Variants in RAB27A observed in about 807,000 individuals in gnomAD.
RAB27A encodes RAB27A, member RAS oncogene family.
Under a neutral mutation model 20.8 loss-of-function variants are expected in RAB27A, and 17 were observed. That is an observed-to-expected ratio of 0.82 (90% CI 0.56 to 1.23). RAB27A has a LOEUF of 1.23. Ranked by LOEUF, RAB27A falls within the 50% of genes most tolerant of loss-of-function variation. RAB27A has a pLI of 0.00. For synonymous variants in RAB27A, 85 were observed against 92.8 expected, an observed-to-expected ratio of 0.92 and a Z score of 0.48; for missense variants, 277 against 266.7, an observed-to-expected ratio of 1.04 and a Z score of -0.27.
In RAB27A at chr15:55,304,788, T is replaced by C. The variant is rs568617106; in HGVS notation, c.-112+9251A>G. Among the ~76,000 whole-genome samples the C allele has an allele frequency of 2.5e-4, 38 of 152,334 alleles. No homozygotes were observed. The South Asian group carries it at 6.6e-3, about 27-fold the overall frequency. ...TGGGTTTTTTCCACTTTTTGGCTAT[T>C]ATGAATAATGTGATGAACATTCATT... On this transcript the variant is annotated intron_variant, in intron 2 of 5. Transcript: ENST00000563262.
At chr15:55,288,817 G>C (rs1291049847) in intron 1 of RAB27A, 1 of 148,654 alleles carries the variant, frequency 6.7e-6, no homozygotes, top group African/African-American at 2.5e-5. Flanking sequence ...AGTTTTTAAG[G>C]CCGAAAAAAA....
At chr15:55,278,962 T>G (rs1003805865) in intron 1 of RAB27A, among the ~76,000 whole-genome samples, 65 of 152,296 alleles carry the variant, frequency 4.3e-4, no homozygotes, top group African/African-American at 1.3e-3. Flanking sequence ...CTGAAGCAAC[T>G]CCCTACTCCA....
At chr15:55,248,255 G>A (rs564129554) in intron 2 of RAB27A, among the ~76,000 whole-genome samples, 1 of 152,214 alleles carries the variant, frequency 6.6e-6, no homozygotes. Context: ...ACCCCATGCT[G>A]TGTTCCAACA....
rs1212679221 is a variant in RAB27A, at chr15:55,228,729, A to C, written c.240-17T>G. 1.9e-6 allele frequency: 3 copies of C among 1,569,786 alleles called. No homozygotes were observed. The highest frequency in any genetic ancestry group is 1.8e-6 in the Non-Finnish European group (2 of 1,139,830). On this transcript the variant is annotated splice_polypyrimidine_tract_variant and intron_variant, in intron 4 of 6. Coordinates refer to ENST00000336787, the MANE Select transcript of RAB27A (RefSeq NM_183235.3). ...CTACGAAACCTAGGAACATAAAAGC[A>C]GAATGGTCAGTTAAACCACGGCCCC...
chr15:55,250,878 T>TG (rs1896863577), intron 2 of RAB27A, among the ~76,000 whole-genome samples: 1 of 152,172 alleles, frequency 6.6e-6, no homozygotes, highest in Non-Finnish European at 1.5e-5. Context: ...AATAAAACTG[T>TG]TTCTTCAAAT....
intron 2 of RAB27A, among the ~76,000 whole-genome samples, chr15:55,301,892 C>T (rs1367460890): frequency 6.6e-6 from 1 of 152,032 alleles, no homozygotes; most frequent in Non-Finnish European, 1.5e-5. Context: ...GTGATCCACC[C>T]ACCTCTGCCT....
At chr15:55,249,768 T>C (rs1025999369) in intron 2 of RAB27A, among the ~76,000 whole-genome samples, 1 of 152,186 alleles carries the variant, frequency 6.6e-6, no homozygotes, top group Admixed American at 6.5e-5. Context: ...CTAGATCATA[T>C]TCATTTTTAG....
At position 55,209,908 on chromosome 15, in the gene RAB27A, G is replaced by GTA. The variant is rs1445446310; in HGVS notation, c.468-4204_468-4203insTA. 5.2e-4 allele frequency among the ~76,000 whole-genome samples: 57 copies of GTA among 109,806 alleles called. 11 individuals carry two copies. The highest frequency in any genetic ancestry group is 3.5e-3 in the African/African-American group (56 of 16,028). The allele number at this position is 109,806 out of a possible 152,430, so 72.0% of individuals were successfully genotyped here. ...TGTATACATATATACACATATGTGT[G>GTA]TGTATGTATATACACACATATATGT... On this transcript the variant is annotated intron_variant, in intron 6 of 6. Transcript: ENST00000336787.
At chr15:55,268,704 C>T (rs1897597443) in intron 2 of RAB27A, among the ~76,000 whole-genome samples, 1 of 152,182 alleles carries the variant, frequency 6.6e-6, no homozygotes, top group Admixed American at 6.5e-5. Context: ...AAAATCCAGC[C>T]CAGTCCAGGC....
chr15:55,225,000 T>G (rs987351690), intron 5 of RAB27A, among the ~76,000 whole-genome samples: 1 of 152,216 alleles, frequency 6.6e-6, no homozygotes, highest in Non-Finnish European at 1.5e-5. Context: ...TTTGCCCTCA[T>G]GGGGCAACTG....
In RAB27A at chr15:55,259,500, T is replaced by C. The variant is rs570760973; in HGVS notation, c.-23+10665A>G. On this transcript the variant is annotated intron_variant, in intron 2 of 6. Coordinates refer to ENST00000336787, the MANE Select transcript of RAB27A (RefSeq NM_183235.3). ...TGGGGTCTCACTATGTTGCCCAAGC[T>C]AGTCTTGAACTCCTAGTCTCAAGTG... Among the ~76,000 whole-genome samples, 36 of 151,566 alleles carry C rather than the reference T, an allele frequency of 2.4e-4. No individual in the cohort carries two copies. The South Asian group carries it at 7.3e-3, about 31-fold the overall frequency.
intron 1 of RAB27A, 113 bp from the exon 2 acceptor site, chr15:55,270,397 T>C (rs1897669541): frequency 6.6e-6 from 1 of 152,218 alleles, no homozygotes; most frequent in Non-Finnish European, 1.5e-5. Context: ...CAGGCATCGC[T>C]GTAAAAACCC....
intron 6 of RAB27A, among the ~76,000 whole-genome samples, chr15:55,215,468 C>T (rs1357715847): frequency 1.1e-4 from 17 of 150,000 alleles, no homozygotes; most frequent in South Asian, 2.1e-4. Context: ...CTGGCTAACA[C>T]GGTGAAACCC....
intron 1 of RAB27A, among the ~76,000 whole-genome samples, chr15:55,282,437 CT>C (rs1487671810): frequency 6.6e-6 from 1 of 152,090 alleles, no homozygotes; most frequent in Non-Finnish European, 1.5e-5. Flanking sequence ...ATGTGGTTTC[CT>C]TATCTGGGTG....
intron 2 of RAB27A, among the ~76,000 whole-genome samples, chr15:55,262,838 AGCCACCAC>A (rs1897325606): frequency 6.6e-6 from 1 of 152,044 alleles, no homozygotes; most frequent in Admixed American, 6.5e-5. Context: ...TATAGGTGTG[AGCCACCAC>A]GCCCAGCCCA....
In RAB27A at chr15:55,273,128, T is replaced by G. The variant is rs547147766; in HGVS notation, c.-142-2844A>C. 3.2e-4 allele frequency among the ~76,000 whole-genome samples: 49 copies of G among 152,256 alleles called. No individual in the cohort carries two copies. In the South Asian group the frequency reaches 6.0e-3, roughly 19 times the overall value. On this transcript the variant is annotated intron_variant, in intron 1 of 6. Transcript: ENST00000336787. ...TTCTCCAACTGAAAGACATAGAGGTTGGGCACGGTGGCTCAAGCCTGTAAT... is the reference window on the plus strand; with the variant it reads ...TTCTCCAACTGAAAGACATAGAGGTGGGGCACGGTGGCTCAAGCCTGTAAT...
At chr15:55,213,257 G>C (rs898703886) in intron 6 of RAB27A, among the ~76,000 whole-genome samples, 1 of 152,160 alleles carries the variant, frequency 6.6e-6, no homozygotes, top group Non-Finnish European at 1.5e-5. Context: ...CTTGAAGAAT[G>C]TTTTTGTTTT....
At chr15:55,277,943 T>C (rs1897918030) in intron 1 of RAB27A, among the ~76,000 whole-genome samples, 1 of 152,206 alleles carries the variant, frequency 6.6e-6, no homozygotes, top group African/African-American at 2.4e-5. Flanking sequence ...TCATCATCTG[T>C]AAAATGAAAG....
At chr15:55,222,932 T>G (rs1595686662) in intron 6 of RAB27A, among the ~76,000 whole-genome samples, 1 of 152,200 alleles carries the variant, frequency 6.6e-6, no homozygotes, top group African/African-American at 2.4e-5. Context: ...AGAGGCACCC[T>G]TAACACTTTA....
Sources: gnomAD v4.1 joint callset for allele counts (sites outside exome capture counted in the v4.1 genomes callset) on GRCh38, gnomAD v4.1.1 for gene constraint, MANE v1.5 for transcripts, NCBI Gene and HGNC (gene_info 2026-07-23, HGNC 2026-07-21) for gene names.